Variants in TAF3 observed in about 807,000 individuals in gnomAD.
The protein encoded by TAF3 is transcription initiation factor TFIID subunit 3.
TAF3 carries 7 observed loss-of-function variants against 80.6 expected under a neutral mutation model. That is an observed-to-expected ratio of 0.09 (90% confidence interval 0.05 to 0.16). The LOEUF (loss-of-function observed/expected upper bound fraction) is 0.16, where lower values mean the gene tolerates loss of function less well. Ranked by LOEUF, TAF3 falls within the 10% of genes least tolerant of loss-of-function variation. The pLI is 1.00. For missense variants in TAF3, 921 were observed against 1,140.2 expected, an observed-to-expected ratio of 0.81 and a Z score of 2.77; for synonymous variants, 444 against 446.1, an observed-to-expected ratio of 1.00 and a Z score of 0.06.
Position 8,014,768 on chromosome 10 carries a change from G to A in TAF3, c.*17G>A. On this transcript the variant is annotated 3_prime_UTR_variant, in exon 7 of 7. Coordinates refer to ENST00000344293, the MANE Select transcript of TAF3 (RefSeq NM_031923.4). ...GCCCACTGACGACTCCCGAGGGGCT[G>A]GACCAAGCGGGGTCAGCCCGGGCTT... 2 of 1,565,940 alleles carry A rather than the reference G, an allele frequency of 1.3e-6. No homozygotes were observed. Among genetic ancestry groups the A allele is most frequent in the South Asian group, 1.2e-5 (1 of 85,168 alleles).
intron 4 of TAF3, among the ~76,000 whole-genome samples, chr10:7,982,053 A>T (rs772628421): frequency 5.3e-5 from 8 of 152,232 alleles, no homozygotes; most frequent in Non-Finnish European, 1.2e-4. Context: ...ATTTTAAAAT[A>T]TAGCCAGATT....
At chr10:7,820,710 G>A (rs1051218208) in intron 1 of TAF3, among the ~76,000 whole-genome samples, 2 of 152,174 alleles carry the variant, frequency 1.3e-5, no homozygotes, top group Non-Finnish European at 2.9e-5. Context: ...GCTCAGGCTT[G>A]TGTCAAACTC....
chr10:7,844,462 C>T (rs1467439665), intron 2 of TAF3, among the ~76,000 whole-genome samples: 31 of 150,888 alleles, frequency 2.1e-4, no homozygotes, highest in Admixed American at 6.6e-5. Flanking sequence ...CTGCAACCTC[C>T]GCCTCCTGGG....
intron 2 of TAF3, among the ~76,000 whole-genome samples, chr10:7,840,900 C>T (rs1285344511): frequency 1.3e-5 from 2 of 151,244 alleles, no homozygotes; most frequent in African/African-American, 2.4e-5. Flanking sequence ...CCCAGGCTGG[C>T]GTGCAATGGC....
rs201201879 is a variant in TAF3, at chr10:7,919,111, G to GA, written c.410-44801dup. 3.8e-3 allele frequency among the ~76,000 whole-genome samples: 571 copies of GA among 151,926 alleles called. 4 individuals are homozygous for GA. Among genetic ancestry groups the GA allele is most frequent in the South Asian group, 0.02 (96 of 4,796 alleles). ...GTGCATTTCAGAGGGTACAGAATCT[G>GA]AAAAAAAATGGGAGATTGAGTGCGA... On this transcript the variant is annotated intron_variant, in intron 2 of 6. Transcript: ENST00000344293.
intron 2 of TAF3, among the ~76,000 whole-genome samples, chr10:7,950,182 C>T (rs914545371): frequency 1.3e-5 from 2 of 152,068 alleles, no homozygotes; most frequent in Non-Finnish European, 2.9e-5. Flanking sequence ...TTATAAATTG[C>T]GACTCCTTAT....
chr10:7,866,377 A>G (rs754104655), intron 2 of TAF3, among the ~76,000 whole-genome samples: 1 of 152,234 alleles, frequency 6.6e-6, no homozygotes, highest in Non-Finnish European at 1.5e-5. Context: ...GGGGCCTGTG[A>G]TGGTGGCTGA....
At chr10:8,001,104 TAGAC>T (rs1831939834) in intron 4 of TAF3, among the ~76,000 whole-genome samples, 1 of 152,226 alleles carries the variant, frequency 6.6e-6, no homozygotes, top group Admixed American at 6.5e-5. Context: ...TTTGCAGCCA[TAGAC>T]AGTGCTACAA....
chr10:7,850,503 C>T (rs1244052973), intron 2 of TAF3, among the ~76,000 whole-genome samples: 1 of 152,012 alleles, frequency 6.6e-6, no homozygotes, highest in Non-Finnish European at 1.5e-5. Flanking sequence ...TGGTGAAACC[C>T]TGTCTTTACT....
At position 7,947,796 on chromosome 10, in the gene TAF3, C is replaced by T. The variant is rs149245546; in HGVS notation, c.410-16124C>T. Among the ~76,000 whole-genome samples, 402 of 152,226 alleles carry T rather than the reference C, an allele frequency of 2.6e-3. 2 individuals are homozygous for T. The highest frequency in any genetic ancestry group is 9.3e-3 in the African/African-American group (386 of 41,540). ...CAGTGGTGACAGGAAGCACTGGAGG[C>T]TTTTGAGCAGGGAAATGATCTGATT... On this transcript the variant is annotated intron_variant, in intron 2 of 6. Transcript: ENST00000344293.
At chr10:7,957,792 G>GCTCTCTCTCTCTCT (rs373350330) in intron 2 of TAF3, among the ~76,000 whole-genome samples, 39 of 134,342 alleles carry the variant, frequency 2.9e-4, no homozygotes, top group South Asian at 5.0e-4. Context: ...TCTCTCTAGC[G>GCTCTCTCTCTCTCT]CGCTCTCTCT....
chr10:7,853,554 G>A (rs937574758), intron 2 of TAF3, among the ~76,000 whole-genome samples: 1 of 152,212 alleles, frequency 6.6e-6, no homozygotes, highest in African/African-American at 2.4e-5. Flanking sequence ...TTCTTCAACT[G>A]TTATCTGATT....
At chr10:7,983,082 C>T (rs557888159) in intron 4 of TAF3, among the ~76,000 whole-genome samples, 47 of 152,320 alleles carry the variant, frequency 3.1e-4, no homozygotes, top group African/African-American at 1.0e-3. Flanking sequence ...TGCCAAGTAT[C>T]CTAGGGCTCT....
chr10:7,886,536 T>C (rs1338022110), intron 2 of TAF3, among the ~76,000 whole-genome samples: 1 of 152,276 alleles, frequency 6.6e-6, no homozygotes, highest in Non-Finnish European at 1.5e-5. Flanking sequence ...CTTTGCCACG[T>C]TGTGGCTATA....
rs546124281 is a variant in TAF3 at position 7,868,936 on chromosome 10, A to C, written c.409+44376A>C. 2.0e-5 allele frequency among the ~76,000 whole-genome samples: 3 copies of C among 152,290 alleles called. No individual in the cohort carries two copies. In the South Asian group the frequency reaches 6.2e-4, roughly 32 times the overall value. ...GCAGTGGCAGGGTTTAAACTTATGA[A>C]GGTCTGACTCCAGAATTTATGCTTT... On this transcript the variant is annotated intron_variant, in intron 2 of 6. Transcript: ENST00000344293.
chr10:7,903,288 A>G (rs1837577507), intron 2 of TAF3, among the ~76,000 whole-genome samples: 1 of 152,124 alleles, frequency 6.6e-6, no homozygotes, highest in Non-Finnish European at 1.5e-5. Flanking sequence ...AATTTGACAA[A>G]TGAGAGGCCC....
intron 2 of TAF3, among the ~76,000 whole-genome samples, chr10:7,883,755 T>C (rs1208254128): frequency 1.3e-5 from 2 of 152,236 alleles, no homozygotes; most frequent in African/African-American, 4.8e-5. Context: ...CAGACACTTA[T>C]TTTACTCAGT....
intron 4 of TAF3, among the ~76,000 whole-genome samples, chr10:7,990,382 T>C (rs1265488436): frequency 6.6e-6 from 1 of 152,208 alleles, no homozygotes; most frequent in Non-Finnish European, 1.5e-5. Context: ...TTTTATTGTT[T>C]TTGTCATTTT....
At chr10:7,827,033 C>T (rs1836748768) in intron 2 of TAF3, among the ~76,000 whole-genome samples, 1 of 152,112 alleles carries the variant, frequency 6.6e-6, no homozygotes, top group Non-Finnish European at 1.5e-5. Context: ...TAGCAAGGTC[C>T]TTCCATGGGG....
Sources: allele counts gnomAD v4.1 joint callset (sites outside exome capture counted in the v4.1 genomes callset), GRCh38; gene constraint gnomAD v4.1.1; transcripts MANE v1.5; gene names NCBI Gene and HGNC (gene_info 2026-07-23, HGNC 2026-07-21).